Variants in ISY1 observed in about 807,000 individuals in gnomAD.
ISY1 encodes the protein ISY1 spliceosome associated protein, also known as pre-mRNA-splicing factor ISY1 homolog.
ISY1 carries 12 observed loss-of-function variants against 54.4 expected under a neutral mutation model. The observed-to-expected ratio is 0.22, with a 90% confidence interval of 0.14 to 0.36. ISY1 has a LOEUF of 0.36. Among genes scored for constraint, ISY1 ranks in the 10% least tolerant of loss-of-function variants. ISY1 has a pLI of 1.00. For missense variants in ISY1, 282 were observed against 342.2 expected (o/e 0.82, Z 1.39); for synonymous variants, 96 against 117.9 (o/e 0.81, Z 1.20).
At chr3:129,143,690 T>C (rs1172533378) in intron 6 of ISY1, among the ~76,000 whole-genome samples, 1 of 151,356 alleles carries the variant, frequency 6.6e-6, no homozygotes, top group Non-Finnish European at 1.5e-5. Flanking sequence ...TTTATATTTA[T>C]ATTTTTTCTC....
At chr3:129,136,865 TTTC>T (rs554390194) in intron 7 of ISY1, among the ~76,000 whole-genome samples, 111 of 133,196 alleles carry the variant, frequency 8.3e-4, no homozygotes, top group African/African-American at 2.6e-3. Flanking sequence ...AATTTTGTAT[TTTC>T]TTCTTCTTTT....
rs1335152819 is a variant in ISY1 at position 129,130,101 on chromosome 3, T to C, written c.838A>G (p.Arg280Gly). 9 of 1,608,354 alleles carry C rather than the reference T, an allele frequency of 5.6e-6. No homozygotes were observed. The highest frequency in any genetic ancestry group is 1.3e-5 in the African/African-American group (1 of 74,506). ...GGGTCCTAATACCCCAGGAGCCTTC[T>C]GGCTTCTTCACTTTGGGCCTGCAGG... ...ETLQAQSEEA[R>G]RLLGY The change falls in exon 11 of 11, where the codon AGA becomes GGA. Residue 280 changes from arginine to glycine, a missense_variant. By Grantham distance (125) the Arg-to-Gly change is moderately radical. Around this residue, in one of 2 missense-constraint regions of ISY1, gnomAD observed 279 missense variants for 323.6 expected, o/e 0.86. Transcript: ENST00000393295.
intron 3 of ISY1, among the ~76,000 whole-genome samples, 192 bp downstream of exon 3, chr3:129,158,316 G>T (rs565865362): frequency 6.6e-6 from 1 of 152,048 alleles, no homozygotes; most frequent in Non-Finnish European, 1.5e-5. Flanking sequence ...ACCATGCCTG[G>T]CTAGGCTAAT....
chr3:129,151,704 C>T (rs1451816804), intron 5 of ISY1, among the ~76,000 whole-genome samples: 1 of 152,130 alleles, frequency 6.6e-6, no homozygotes, highest in Non-Finnish European at 1.5e-5. Flanking sequence ...AATCTTTATG[C>T]CTTTTATTTC....
rs1187253999 is a variant in ISY1, at chr3:129,127,461, G to A, written c.*2620C>T. Reference sequence around the variant, plus strand: ...TTTTATTAACCAAACAAAGCCTCCTGAGATTGGTTCTGTCACCTCGGAGCC... The same window carrying A: ...TTTTATTAACCAAACAAAGCCTCCTAAGATTGGTTCTGTCACCTCGGAGCC... On this transcript the variant is annotated 3_prime_UTR_variant, in exon 11 of 11. Coordinates refer to ENST00000393295, the MANE Select transcript of ISY1 (RefSeq NM_020701.4). The A allele has an allele frequency of 6.6e-6, 1 of 152,204 alleles. No homozygotes were observed. The highest frequency in any genetic ancestry group is 1.5e-5 in the Non-Finnish European group (1 of 68,044). The allele number at this position is 152,204 out of a possible 1,614,324, so 9.4% of individuals were successfully genotyped here.
At chr3:129,140,565 G>T in intron 6 of ISY1, 80 bp from the exon 7 acceptor site, 1 of 1,407,836 alleles carries the variant, frequency 7.1e-7, no homozygotes, top group Non-Finnish European at 9.6e-7. Flanking sequence ...TTGAGGCGGA[G>T]TCTCGCTCTG....
At chr3:129,157,716 C>CAAAAAA (rs1265760940) in intron 3 of ISY1, among the ~76,000 whole-genome samples, 1 of 44,498 alleles carries the variant, frequency 2.2e-5, no homozygotes, top group Admixed American at 2.8e-4. Context: ...GCGTCCATCT[C>CAAAAAA]AAAAAAAAAA....
intron 5 of ISY1, among the ~76,000 whole-genome samples, chr3:129,149,862 T>C (rs932845513): frequency 1.6e-4 from 23 of 147,592 alleles, no homozygotes; most frequent in Non-Finnish European, 3.0e-4. Flanking sequence ...CAGTCTCAGC[T>C]ACATGAGAGT....
At position 129,138,742 on chromosome 3, in the gene ISY1, G is replaced by A. The variant is rs533486571; in HGVS notation, c.418+1626C>T. ...AGGCAGGAGAATTACTTGAACCCGG[G>A]AGGCAGAGGTTGCAGTGAGCCGAGA... is the stretch of plus-strand genomic sequence containing the variant. On this transcript the variant is annotated intron_variant, in intron 7 of 10. Transcript: ENST00000393295. 3.2e-3 allele frequency among the ~76,000 whole-genome samples: 485 copies of A among 151,124 alleles called. 1 individual carries two copies. The highest frequency in any genetic ancestry group is 0.011 in the African/African-American group (457 of 41,298).
intron 6 of ISY1, 66 bp from the exon 7 acceptor site, chr3:129,140,551 T>C: frequency 6.7e-7 from 1 of 1,487,588 alleles, no homozygotes; most frequent in Non-Finnish European, 9.1e-7. Flanking sequence ...ATTTATTTAT[T>C]TATTTGAGGC....
chr3:129,128,990 G>A lies in ISY1; in HGVS notation c.*1091C>T, dbSNP rs1576865138. ...GCAAGGAGCCCTGTCTACAGCTGTG[G>A]CCACGGACGCCATGGTGGGTCGGCT... On this transcript the variant is annotated 3_prime_UTR_variant, in exon 11 of 11. Coordinates refer to ENST00000393295, the MANE Select transcript of ISY1 (RefSeq NM_020701.4). 6.6e-6 allele frequency: 1 copy of A among 152,282 alleles called. No individual in the cohort carries two copies. Among genetic ancestry groups the A allele is most frequent in the East Asian group, 1.9e-4 (1 of 5,180 alleles). 9.4% of individuals were successfully genotyped at this position (152,282 alleles called of 1,614,324 possible). A position where few individuals can be genotyped will look rare whatever the true frequency, so the allele number is the denominator to read the frequency against.
intron 3 of ISY1, 147 bp downstream of exon 3, chr3:129,158,361 G>T: frequency 9.4e-7 from 1 of 1,068,834 alleles, no homozygotes; most frequent in Non-Finnish European, 1.4e-6. Context: ...ATTTTGCCAT[G>T]TTGCCCAGAC....
intron 7 of ISY1, among the ~76,000 whole-genome samples, chr3:129,137,566 C>T (rs1560015312): frequency 6.6e-6 from 1 of 152,130 alleles, no homozygotes; most frequent in Non-Finnish European, 1.5e-5. Context: ...GGCGAGGTGG[C>T]TCACTCCTGT....
At chr3:129,144,557 T>C (rs985758396) in intron 6 of ISY1, among the ~76,000 whole-genome samples, 3 of 152,228 alleles carry the variant, frequency 2.0e-5, no homozygotes, top group African/African-American at 7.2e-5. Context: ...CGAATTAGGC[T>C]CTGGGGCAGG....
rs1936164138 is a variant in ISY1, at chr3:129,128,891, C to T, written c.*1190G>A. 1 of 152,510 alleles carries T rather than the reference C, an allele frequency of 6.6e-6. No homozygotes were observed. The highest frequency in any genetic ancestry group is 2.4e-5 in the African/African-American group (1 of 41,464). The allele number at this position is 152,510 out of a possible 1,614,324, so 9.4% of individuals were successfully genotyped here. On this transcript the variant is annotated 3_prime_UTR_variant, in exon 11 of 11. Transcript: ENST00000393295. Reference sequence around the variant, plus strand: ...CATGGTTCCCCACTGGAGAGCTAAGCCCCAGTTCAGAGGAAGCTCTGGACT... The same window carrying T: ...CATGGTTCCCCACTGGAGAGCTAAGTCCCAGTTCAGAGGAAGCTCTGGACT...
chr3:129,155,043 G>A (rs756549003), intron 5 of ISY1, among the ~76,000 whole-genome samples: 36 of 151,614 alleles, frequency 2.4e-4, no homozygotes, highest in Non-Finnish European at 4.6e-4. Context: ...TATTCATCTT[G>A]TTTTCAATGC....
intron 6 of ISY1, among the ~76,000 whole-genome samples, chr3:129,141,749 G>A (rs1261143675): frequency 2.0e-5 from 3 of 150,910 alleles, no homozygotes; most frequent in South Asian, 2.1e-4. Flanking sequence ...GCAAGACTCC[G>A]TCTCAAAAAA....
Position 129,135,024 on chromosome 3 carries a change from C to T in ISY1, c.419-70G>A, listed in dbSNP as rs1936349123. The T allele has an allele frequency of 2.6e-6, 4 of 1,521,892 alleles. No homozygotes were observed. The East Asian group carries it at 9.9e-5, about 37-fold the overall frequency. The allele number at this position is 1,521,892 out of a possible 1,614,324, so 94.3% of individuals were successfully genotyped here. On this transcript the variant is annotated intron_variant, in intron 7 of 10. Transcript: ENST00000393295. ...ACTCCAGCGAAGCTGTCTCCTGATG[C>T]AACGCTATACACACACGTGGCACGT...
At position 129,134,112 on chromosome 3, in the gene ISY1, C is replaced by T; in HGVS notation, c.625G>A (p.Glu209Lys). The T allele has an allele frequency of 1.9e-6, 3 of 1,614,126 alleles. No homozygotes were observed. The highest frequency in any genetic ancestry group is 2.5e-6 in the Non-Finnish European group (3 of 1,179,982). The change falls in exon 9 of 11, where the codon GAG becomes AAG. Residue 209 changes from glutamate (E) to lysine (K), a missense_variant. Around this residue, in one of 2 missense-constraint regions of ISY1, gnomAD observed 279 missense variants for 323.6 expected, o/e 0.86. Coordinates refer to ENST00000393295, the MANE Select transcript of ISY1 (RefSeq NM_020701.4). Reference protein sequence around the residue: ...RGEKEEEEEEEEEINIYAVTE... With the variant: ...RGEKEEEEEEKEEINIYAVTE... ...ACTGCATAGATGTTGATCTCTTCCT[C>T]CTCTTCCTCCTCCTCTTCCTTTTCT...
Sources: gnomAD v4.1 joint callset for allele counts (sites outside exome capture counted in the v4.1 genomes callset) on GRCh38, gnomAD v4.1.1 for gene constraint, gnomAD v4.1.1 regional missense constraint, MANE v1.5 for transcripts, NCBI Gene and HGNC (gene_info 2026-07-23, HGNC 2026-07-21) for gene names.